The following ZC3H12B variants were observed in gnomAD, a reference collection of about 807,000 sequenced individuals.
The protein encoded by ZC3H12B is probable ribonuclease ZC3H12B.
In ZC3H12B, 7 loss-of-function variants were observed where a neutral mutation model predicts 43.9. The ratio of observed to expected loss-of-function variants is 0.16; its 90% CI spans 0.09 to 0.30. ZC3H12B has a LOEUF of 0.30. Among genes scored for constraint, ZC3H12B ranks in the 10% least tolerant of loss-of-function variants. The pLI is 1.00. For missense variants in ZC3H12B, 475 were observed against 670.2 expected, an observed-to-expected ratio of 0.71 and a Z score of 3.22; for synonymous variants, 222 against 241.7, an observed-to-expected ratio of 0.92 and a Z score of 0.76.
chrX:65,475,109 C>T (rs1039574960), intron 3 of ZC3H12B, among the ~76,000 whole-genome samples: 2 of 112,053 alleles, frequency 1.8e-5, no homozygotes, highest in African/African-American at 3.2e-5. Context: ...ACATCCCCCC[C>T]ACACACACAC....
At chrX:65,162,907 T>C in the ZC3H12B span, among the ~76,000 whole-genome samples, 1 of 111,857 alleles carries the variant, frequency 8.9e-6, no homozygotes, top group Non-Finnish European at 1.9e-5. Flanking sequence ...TTTATCTACT[T>C]TTGTTCTTTG....
chrX:65,330,657 G>C, the ZC3H12B span: 80 of 117,743 alleles, frequency 6.8e-4, no homozygotes, highest in Admixed American at 7.3e-3. Context: ...CATCTATTGA[G>C]ATAATCATGT....
At chrX:65,149,951 C>T in the ZC3H12B span, among the ~76,000 whole-genome samples, 1 of 109,679 alleles carries the variant, frequency 9.1e-6, no homozygotes, top group East Asian at 2.8e-4. Context: ...AACAGAAAGC[C>T]AGTAAACTGA....
intron 1 of ZC3H12B, 145 bp downstream of exon 3, chrX:65,366,911 A>AAT (rs2066181481): frequency 8.9e-6 from 1 of 112,660 alleles, no homozygotes; most frequent in African/African-American, 3.2e-5. Context: ...TTCAGTGATG[A>AAT]GTACATAATG....
the ZC3H12B span, among the ~76,000 whole-genome samples, chrX:65,327,361 G>A: frequency 1.4e-4 from 15 of 110,558 alleles, no homozygotes; most frequent in African/African-American, 3.9e-4. Flanking sequence ...AAATTTTATC[G>A]AAGATTTTTA....
chrX:65,408,745 C>T (rs2066867917), intron 3 of ZC3H12B: 1 of 529,552 alleles, frequency 1.9e-6, no homozygotes, highest in Non-Finnish European at 3.0e-6. Flanking sequence ...AAGAGAGCCC[C>T]AACCTATACA....
the ZC3H12B span, among the ~76,000 whole-genome samples, chrX:65,164,534 G>C: frequency 0.01 from 1,134 of 111,489 alleles, 4 homozygotes; most frequent in Non-Finnish European, 0.015. Flanking sequence ...TTCAGTCCCT[G>C]AGAAAGGAAG....
the ZC3H12B span, among the ~76,000 whole-genome samples, chrX:65,303,966 C>T: frequency 8.9e-6 from 1 of 112,115 alleles, no homozygotes; most frequent in South Asian, 3.6e-4. Flanking sequence ...CAGTTTTACC[C>T]AAGTAGAGAT....
At chrX:65,384,618 G>T (rs1043925715) in intron 2 of ZC3H12B, among the ~76,000 whole-genome samples, 1 of 110,918 alleles carries the variant, frequency 9.0e-6, no homozygotes, top group Non-Finnish European at 1.9e-5. Context: ...AAAATGGCAG[G>T]AGTAATTCTT....
At chrX:65,196,009 T>A in the ZC3H12B span, among the ~76,000 whole-genome samples, 1 of 112,013 alleles carries the variant, frequency 8.9e-6, no homozygotes, top group South Asian at 3.7e-4. Flanking sequence ...GAACTCAGCT[T>A]GGAGCCTGTA....
At chrX:65,069,001 T>G in the ZC3H12B span, among the ~76,000 whole-genome samples, 1 of 109,700 alleles carries the variant, frequency 9.1e-6, no homozygotes, top group African/African-American at 3.3e-5. Context: ...GTCAGATGTA[T>G]TGGAGCTCCA....
chrX:65,379,732 C>A (rs2066408047), intron 2 of ZC3H12B, among the ~76,000 whole-genome samples: 1 of 111,778 alleles, frequency 8.9e-6, no homozygotes, highest in African/African-American at 3.3e-5. Flanking sequence ...GAATGTATAA[C>A]TAGAATAACC....
chrX:65,410,879 C>A (rs2066896131), intron 3 of ZC3H12B, among the ~76,000 whole-genome samples: 1 of 112,202 alleles, frequency 8.9e-6, no homozygotes, highest in Admixed American at 9.4e-5. Flanking sequence ...GTAGCACAAC[C>A]ACTATATTGT....
At position 65,426,075 on chromosome X, in the gene ZC3H12B, A is replaced by T. The variant is rs1465604474; in HGVS notation, n.407+27371A>T. Among the ~76,000 whole-genome samples, 3 of 108,630 alleles carry T rather than the reference A, an allele frequency of 2.8e-5. No homozygotes were observed. In the Admixed American group the frequency reaches 3.0e-4, roughly 11 times the overall value. The allele number at this position is 108,630 out of a possible 115,157, so 94.3% of individuals were successfully genotyped here. A position where few individuals can be genotyped will look rare whatever the true frequency, so the allele number is the denominator to read the frequency against. On this transcript the variant is annotated intron_variant and non_coding_transcript_variant, in intron 3 of 5. Transcript: ENST00000617377. ...GTACCTCTGGTAGAATTCAGCTGTG[A>T]ATATGTCTTATCCTGTTTTTTTTTT...
chrX:65,216,868 G>A, the ZC3H12B span, among the ~76,000 whole-genome samples: 1 of 112,108 alleles, frequency 8.9e-6, no homozygotes, highest in Non-Finnish European at 1.9e-5. Flanking sequence ...AGAATATGTT[G>A]CCTTGGTGGG....
the ZC3H12B span, among the ~76,000 whole-genome samples, chrX:65,204,793 TC>T: frequency 3.6e-5 from 4 of 112,378 alleles, no homozygotes; most frequent in Non-Finnish European, 7.5e-5. Context: ...ATAACTCTTT[TC>T]TTTCTTTATT....
chrX:65,325,106 C>T, the ZC3H12B span, among the ~76,000 whole-genome samples: 3 of 110,682 alleles, frequency 2.7e-5, no homozygotes, highest in African/African-American at 9.8e-5. Flanking sequence ...AATATTTCTA[C>T]CCCAAATCTC....
chrX:65,196,651 T>TC, the ZC3H12B span, among the ~76,000 whole-genome samples: 1 of 110,978 alleles, frequency 9.0e-6, no homozygotes, highest in Non-Finnish European at 1.9e-5. Context: ...AGGCAACAGG[T>TC]CCCAGTAACA....
At chrX:65,112,880 C>A in the ZC3H12B span, among the ~76,000 whole-genome samples, 10 of 111,838 alleles carry the variant, frequency 8.9e-5, no homozygotes, top group African/African-American at 2.9e-4. Context: ...ACTTTCAAGT[C>A]TTATTTAAGA....
Sources: gnomAD v4.1 joint callset for allele counts (sites outside exome capture counted in the v4.1 genomes callset) on GRCh38, gnomAD v4.1.1 for gene constraint, MANE v1.5 for transcripts, NCBI Gene and HGNC (gene_info 2026-07-23, HGNC 2026-07-21) for gene names.